The following TENM3 variants were observed in gnomAD, a reference collection of about 807,000 sequenced individuals.
TENM3 encodes the protein teneurin transmembrane protein 3, also known as teneurin-3.
A neutral mutation model predicts 255.1 loss-of-function variants in TENM3; 63 were observed. The ratio of observed to expected loss-of-function variants is 0.25; its 90% CI spans 0.20 to 0.30. The LOEUF (loss-of-function observed/expected upper bound fraction) is 0.30, where lower values mean the gene tolerates loss of function less well. Among genes scored for constraint, TENM3 ranks in the 10% least tolerant of loss-of-function variants. TENM3 has a pLI of 1.00. For synonymous variants in TENM3, 1,306 were observed against 1,322.3 expected, an observed-to-expected ratio of 0.99 and a Z score of 0.27; for missense variants, 2,929 against 3,461.1, an observed-to-expected ratio of 0.85 and a Z score of 3.86.
At chr4:182,764,741 C>T (rs1308385428) in intron 22 of TENM3, among the ~76,000 whole-genome samples, 1 of 152,128 alleles carries the variant, frequency 6.6e-6, no homozygotes, top group East Asian at 1.9e-4. Context: ...GGTGCCTCTG[C>T]GCAAGTAGGG....
At chr4:182,423,781 T>C (rs4862062) in intron 3 of TENM3, among the ~76,000 whole-genome samples, 104,253 of 151,996 alleles carry the variant, frequency 0.69, 36,096 homozygotes, top group East Asian at 0.92. Flanking sequence ...AGATTTAAAA[T>C]AGTTTTAATA....
chr4:182,522,942 G>A (rs62337237), intron 3 of TENM3, among the ~76,000 whole-genome samples: 11,053 of 151,986 alleles, frequency 0.073, 762 homozygotes, highest in African/African-American at 0.18. Context: ...CCCTTCCTTC[G>A]CATCCTCACC....
At chr4:182,217,273 G>A (rs1033116781) in intron 1 of TENM3, among the ~76,000 whole-genome samples, 3 of 151,654 alleles carry the variant, frequency 2.0e-5, no homozygotes, top group Non-Finnish European at 2.9e-5. Flanking sequence ...CACCCACCTC[G>A]GCTTCCCAAA....
At chr4:182,160,335 A>G (rs1023594315) in intron 1 of TENM3, among the ~76,000 whole-genome samples, 3 of 152,198 alleles carry the variant, frequency 2.0e-5, no homozygotes, top group African/African-American at 2.4e-5. Flanking sequence ...ATGAAAATAA[A>G]TGGTTACCTT....
At chr4:182,177,288 C>A (rs1005853341) in intron 1 of TENM3, among the ~76,000 whole-genome samples, 11 of 152,038 alleles carry the variant, frequency 7.2e-5, no homozygotes, top group Admixed American at 5.9e-4. Context: ...CCCACAATTG[C>A]GCCAGATGAA....
the TENM3 span, among the ~76,000 whole-genome samples, chr4:181,450,098 A>AGG: frequency 6.6e-6 from 1 of 152,216 alleles, no homozygotes; most frequent in Non-Finnish European, 1.5e-5. Context: ...TTACATTAAC[A>AGG]GGTTAAAGAA....
chr4:181,936,516 C>T, the TENM3 span, among the ~76,000 whole-genome samples: 1 of 152,114 alleles, frequency 6.6e-6, no homozygotes, highest in Non-Finnish European at 1.5e-5. Flanking sequence ...TTTCAATAAC[C>T]ATTTCTTTCT....
the TENM3 span, among the ~76,000 whole-genome samples, chr4:181,601,042 G>C: frequency 1.3e-5 from 2 of 152,130 alleles, no homozygotes; most frequent in Non-Finnish European, 2.9e-5. Context: ...GCAGAGCCCA[G>C]AGTGGGGTCC....
the TENM3 span, among the ~76,000 whole-genome samples, chr4:181,664,969 C>G: frequency 8.2e-3 from 1,243 of 152,290 alleles, 9 homozygotes; most frequent in Middle Eastern, 0.017. Flanking sequence ...GTAACATTAA[C>G]AGTGCCAACT....
chr4:181,708,134 A>G, the TENM3 span, among the ~76,000 whole-genome samples: 1 of 152,216 alleles, frequency 6.6e-6, no homozygotes, highest in Admixed American at 6.5e-5. Flanking sequence ...AAAAAGTTTT[A>G]TATATCATGT....
the TENM3 span, among the ~76,000 whole-genome samples, chr4:181,864,701 A>G: frequency 6.6e-6 from 1 of 152,098 alleles, no homozygotes; most frequent in African/African-American, 2.4e-5. Flanking sequence ...GATGGGTTAA[A>G]CCGCCCGTAT....
intron 3 of TENM3, among the ~76,000 whole-genome samples, chr4:182,434,644 CAA>C (rs397878555): frequency 1.3e-4 from 16 of 121,808 alleles, no homozygotes; most frequent in Admixed American, 1.7e-4. Context: ...GCCTGGGAGA[CAA>C]AAAAAAAAAA....
chr4:182,525,738 TG>T (rs1163964734), intron 3 of TENM3, among the ~76,000 whole-genome samples: 1 of 152,186 alleles, frequency 6.6e-6, no homozygotes, highest in African/African-American at 2.4e-5. Flanking sequence ...TCAAATTACT[TG>T]CCTCTTTGTC....
chr4:182,481,953 A>G (rs895978733), intron 3 of TENM3, among the ~76,000 whole-genome samples: 3 of 152,242 alleles, frequency 2.0e-5, no homozygotes, highest in Non-Finnish European at 4.4e-5. Context: ...AAGGCAAAAT[A>G]TGACATACCA....
the TENM3 span, among the ~76,000 whole-genome samples, chr4:182,058,945 C>CATGTGTGT: frequency 7.2e-6 from 1 of 139,028 alleles, no homozygotes; most frequent in East Asian, 2.2e-4. Flanking sequence ...AGTCATAGCT[C>CATGTGTGT]GTGTGTGTGT....
At chr4:182,309,651 C>T (rs1213617422) in intron 1 of TENM3, among the ~76,000 whole-genome samples, 1 of 152,182 alleles carries the variant, frequency 6.6e-6, no homozygotes, top group Non-Finnish European at 1.5e-5. Flanking sequence ...CATAGTCCCT[C>T]TGAATAAGCT....
the TENM3 span, among the ~76,000 whole-genome samples, chr4:182,120,901 A>C: frequency 3.9e-5 from 6 of 152,120 alleles, no homozygotes; most frequent in African/African-American, 1.2e-4. Context: ...ACCTAGTAAG[A>C]TATTATAGGA....
At chr4:182,772,688 A>T (rs897003880) in intron 22 of TENM3, 5 of 152,182 alleles carry the variant, frequency 3.3e-5, no homozygotes, top group African/African-American at 1.2e-4. Context: ...AGCACAGAAC[A>T]GCTTTTAAAA....
intron 1 of TENM3, among the ~76,000 whole-genome samples, chr4:182,296,411 T>C (rs1291591630): frequency 2.0e-5 from 3 of 152,210 alleles, no homozygotes; most frequent in Non-Finnish European, 4.4e-5. Context: ...TCAATTGTAC[T>C]TGAAGGCTAT....
Sources: gnomAD v4.1 joint callset for allele counts (sites outside exome capture counted in the v4.1 genomes callset) on GRCh38, gnomAD v4.1.1 for gene constraint, MANE v1.5 for transcripts, NCBI Gene and HGNC (gene_info 2026-07-23, HGNC 2026-07-21) for gene names.